HMCN1: variants seen among roughly 807,000 people sequenced by gnomAD.
HMCN1 encodes hemicentin-1.
A neutral mutation model predicts 625.9 loss-of-function variants in HMCN1; 321 were observed. The observed-to-expected ratio is 0.51, with a 90% CI of 0.47 to 0.56. The LOEUF (loss-of-function observed/expected upper bound fraction) is 0.56. HMCN1 is among the 20% of genes least tolerant of loss of function. The probability of loss-of-function intolerance (pLI) is 0.00; values close to 1 mark genes in which losing one functional copy is unlikely to be tolerated. For missense variants in HMCN1, 6,588 were observed against 6,887.3 expected, an observed-to-expected ratio of 0.96 and a Z score of 1.54; for synonymous variants, 2,425 against 2,417.6, an observed-to-expected ratio of 1.00 and a Z score of -0.09.
chr1:186,091,003 C>A (rs765424228), intron 64 of HMCN1, 86 bp downstream of exon 64: 5 of 1,407,332 alleles, frequency 3.6e-6, no homozygotes, highest in African/African-American at 1.4e-5. Flanking sequence ...ATAATAATAC[C>A]GAATTCCATC....
chr1:185,883,879 A>ATTTTTTTTTTT lies in HMCN1; in HGVS notation c.621+18032_621+18042dup, dbSNP rs1205211897. Among the ~76,000 whole-genome samples, 6 of 55,934 alleles carry ATTTTTTTTTTT rather than the reference A, an allele frequency of 1.1e-4. 1 individual carries two copies. The highest frequency in any genetic ancestry group is 1.8e-4 in the Non-Finnish European group (5 of 27,226). 36.7% of individuals were successfully genotyped at this position (55,934 alleles called of 152,430 possible). On this transcript the variant is annotated intron_variant, in intron 4 of 106. Transcript: ENST00000271588. ...AATCAATTAATAGATATAGGTCATG[A>ATTTTTTTTTTT]TTTTTTTTTTTTTTTTTTTTTTTTT...
intron 4 of HMCN1, among the ~76,000 whole-genome samples, chr1:185,893,140 A>G (rs1665239266): frequency 6.6e-6 from 1 of 152,200 alleles, no homozygotes; most frequent in African/African-American, 2.4e-5. Flanking sequence ...GCACTTCCTG[A>G]GTGAGGCAAT....
intron 4 of HMCN1, among the ~76,000 whole-genome samples, chr1:185,885,137 A>T (rs1206897498): frequency 3.3e-5 from 5 of 151,676 alleles, no homozygotes; most frequent in Non-Finnish European, 7.4e-5. Context: ...GAAAAGTTGG[A>T]GGATTTCAGA....
intron 17 of HMCN1, among the ~76,000 whole-genome samples, chr1:185,981,347 CAT>C (rs1343378734): frequency 3.3e-5 from 5 of 151,634 alleles, no homozygotes; most frequent in African/African-American, 9.7e-5. Context: ...CACACACACA[CAT>C]ATTAGAGTTG....
chr1:185,835,610 G>A (rs1046863305), intron 1 of HMCN1, among the ~76,000 whole-genome samples: 2 of 151,830 alleles, frequency 1.3e-5, no homozygotes, highest in Non-Finnish European at 2.9e-5. Context: ...GATGCTTTTA[G>A]TTACCAACTA....
At position 186,188,007 on chromosome 1, in the gene HMCN1, A is replaced by G. The variant is rs61831359; in HGVS notation, c.16539A>G (p.Ser5513=). The change falls in exon 106 of 107, where the codon TCA becomes TCG. Residue 5513 remains serine, a splice_region_variant and synonymous_variant. Transcript: ENST00000271588. ...CPPNYQRDPV[S]GFCLKNCPPN... ...CCAACTACCAACGGGATCCTGTTTC[A>G]GGGTATGTCTTGCCTTCTCATCCCA... 6.2e-7 allele frequency: 1 copy of G among 1,613,816 alleles called. No homozygotes were observed. The highest frequency in any genetic ancestry group is 1.3e-5 in the African/African-American group (1 of 75,030).
chr1:185,798,194 G>A (rs926006515), intron 1 of HMCN1, among the ~76,000 whole-genome samples: 3 of 152,022 alleles, frequency 2.0e-5, no homozygotes, highest in Non-Finnish European at 2.9e-5. Context: ...ATTCATGGTG[G>A]ACAGTTTTTT....
chr1:186,162,841 G>A (rs1651599458), intron 97 of HMCN1, among the ~76,000 whole-genome samples: 2 of 152,212 alleles, frequency 1.3e-5, no homozygotes, highest in Non-Finnish European at 1.5e-5. Flanking sequence ...GTGCCTCCCA[G>A]TTAGGCTGCT....
At chr1:186,078,064 C>T (rs779445704) in intron 54 of HMCN1, 43 bp from the exon 55 acceptor site, 1 of 1,427,886 alleles carries the variant, frequency 7.0e-7, no homozygotes. Context: ...CTTGTGTTCA[C>T]TCTAAGATTA....
chr1:185,889,440 G>A (rs1664899184), intron 4 of HMCN1, among the ~76,000 whole-genome samples: 1 of 146,858 alleles, frequency 6.8e-6, no homozygotes, highest in African/African-American at 2.8e-5. Flanking sequence ...GATACTGGCT[G>A]TGGGTTTGTC....
At chr1:186,119,706 A>G (rs2102487032) in intron 78 of HMCN1, 39 bp from the exon 79 acceptor site, 1 of 1,603,436 alleles carries the variant, frequency 6.2e-7, no homozygotes, top group Non-Finnish European at 8.5e-7. Flanking sequence ...TTTATTAACT[A>G]GTGCTATTAC....
rs141394172 is a variant in HMCN1 at position 185,925,120 on chromosome 1, T to G, written c.1359T>G (p.Val453=). The G allele has an allele frequency of 3.7e-6, 6 of 1,613,860 alleles. No homozygotes were observed. Among genetic ancestry groups the G allele is most frequent in the Non-Finnish European group, 5.1e-6 (6 of 1,179,858 alleles). ...AGCCGGGCCAAATTCCCTGCTCTGT[T>G]GACAGTCTTTTGCCCTTTACCTTGA... ...YLQPGQIPCS[V]DSLLPFTLSF... Residue 453 remains valine, a synonymous_variant, in exon 9 of 107, where the codon GTT becomes GTG. Transcript: ENST00000271588.
At chr1:185,899,149 TCTC>T (rs1665661419) in intron 4 of HMCN1, among the ~76,000 whole-genome samples, 1 of 152,144 alleles carries the variant, frequency 6.6e-6, no homozygotes, top group Non-Finnish European at 1.5e-5. Context: ...TCCCTCAACT[TCTC>T]CTCTAGTACA....
chr1:185,952,760 G>A (rs1303084998), intron 11 of HMCN1, among the ~76,000 whole-genome samples: 1 of 151,670 alleles, frequency 6.6e-6, no homozygotes, highest in Non-Finnish European at 1.5e-5. Context: ...AAGGAGGAAT[G>A]GAAGGTGGAA....
At chr1:185,941,650 T>C (rs1204863696) in intron 11 of HMCN1, among the ~76,000 whole-genome samples, 1 of 152,202 alleles carries the variant, frequency 6.6e-6, no homozygotes, top group Non-Finnish European at 1.5e-5. Context: ...ATCTACTGTC[T>C]CCATGGTTAG....
Position 186,120,154 on chromosome 1 carries a change from A to G in HMCN1, c.12229+9A>G, listed in dbSNP as rs761829823. 3.1e-6 allele frequency: 5 copies of G among 1,613,412 alleles called. No individual in the cohort carries two copies. Among genetic ancestry groups the G allele is most frequent in the Non-Finnish European group, 4.2e-6 (5 of 1,179,584 alleles). ...CAAGTTAAATGTCCAAGGTACCTAA[A>G]TAATTCATCTCTGTTTTCAATTCAA... On this transcript the variant is annotated intron_variant, in intron 80 of 106. Transcript: ENST00000271588.
At chr1:185,737,310 T>A (rs1012027020) in intron 1 of HMCN1, among the ~76,000 whole-genome samples, 1 of 151,872 alleles carries the variant, frequency 6.6e-6, no homozygotes, top group Admixed American at 6.6e-5. Flanking sequence ...ACATGCCACA[T>A]CTGACTAATT....
chr1:185,844,220 T>G (rs1661666318), intron 1 of HMCN1, among the ~76,000 whole-genome samples: 1 of 152,170 alleles, frequency 6.6e-6, no homozygotes, highest in Non-Finnish European at 1.5e-5. Flanking sequence ...GGAGTAGGCT[T>G]CTCCCATTTT....
At chr1:185,817,988 C>T (rs886192343) in intron 1 of HMCN1, among the ~76,000 whole-genome samples, 3 of 152,190 alleles carry the variant, frequency 2.0e-5, no homozygotes, top group African/African-American at 7.2e-5. Flanking sequence ...CCTCCACCAA[C>T]TGTCCATCTC....
Sources: allele counts gnomAD v4.1 joint callset (sites outside exome capture counted in the v4.1 genomes callset), GRCh38; gene constraint gnomAD v4.1.1; transcripts MANE v1.5; gene names NCBI Gene and HGNC (gene_info 2026-07-23, HGNC 2026-07-21).